HSPH1: variants seen among roughly 807,000 people sequenced by gnomAD.
HSPH1 encodes heat shock protein 105 kDa.
In HSPH1, 40 loss-of-function variants were observed where a neutral mutation model predicts 100.0. The ratio of observed to expected loss-of-function variants is 0.40; its 90% CI spans 0.31 to 0.52. The LOEUF (loss-of-function observed/expected upper bound fraction) is 0.52, where lower values mean the gene tolerates loss of function less well. HSPH1 is among the 20% of genes least tolerant of loss of function. The pLI is 0.54. For synonymous variants in HSPH1, 403 were observed against 344.0 expected, an observed-to-expected ratio of 1.17 and a Z score of -1.90; for missense variants, 876 against 1,015.1, an observed-to-expected ratio of 0.86 and a Z score of 1.86.
At chr13:31,141,797 T>TACAC (rs10573885) in intron 12 of HSPH1, among the ~76,000 whole-genome samples, 28,646 of 124,030 alleles carry the variant, frequency 0.23, 2,866 homozygotes, top group East Asian at 0.36. Flanking sequence ...TCCATACACA[T>TACAC]ACATACACAC....
intron 11 of HSPH1, among the ~76,000 whole-genome samples, chr13:31,144,253 G>A (rs1956195827): frequency 6.6e-6 from 1 of 152,088 alleles, no homozygotes. Context: ...TAAGGCACTG[G>A]AAATAGATTA....
chr13:31,157,718 T>C (rs1956748608), intron 2 of HSPH1, among the ~76,000 whole-genome samples: 1 of 152,198 alleles, frequency 6.6e-6, no homozygotes, highest in African/African-American at 2.4e-5. Context: ...ACTGTTTTTC[T>C]CTCCACCTCC....
At position 31,136,246 on chromosome 13, in the gene HSPH1, T is replaced by C. The variant is rs182653010; in HGVS notation, c.*1072A>G. On this transcript the variant is annotated 3_prime_UTR_variant, in exon 18 of 18. Transcript: ENST00000320027. ...CTTTATAATGAACTCACTACATTTA[T>C]GCAGTTACAACACTTGACTGTATTT... The C allele has an allele frequency of 2.2e-4, 33 of 152,352 alleles. No homozygotes were observed. Among genetic ancestry groups the C allele is most frequent in the Middle Eastern group, 6.8e-3 (2 of 294 alleles). 9.4% of individuals were successfully genotyped at this position (152,352 alleles called of 1,614,324 possible).
intron 2 of HSPH1, among the ~76,000 whole-genome samples, chr13:31,156,225 C>T (rs1390565874): frequency 2.6e-5 from 4 of 152,192 alleles, no homozygotes; most frequent in Admixed American, 2.6e-4. Context: ...CCCGTCTCTA[C>T]TAAAAATACA....
chr13:31,158,137 G>T (rs1213352597), intron 2 of HSPH1, among the ~76,000 whole-genome samples: 2 of 152,144 alleles, frequency 1.3e-5, no homozygotes, highest in African/African-American at 2.4e-5. Context: ...TTTCTTAGAA[G>T]TTCCTTCTAT....
rs28642716 is a variant in HSPH1, at chr13:31,137,057, A to C, written c.*261T>G. 1.6e-6 allele frequency: 1 copy of C among 615,588 alleles called. No homozygotes were observed. Among genetic ancestry groups the C allele is most frequent in the Non-Finnish European group, 3.1e-6 (1 of 327,440 alleles). The allele number at this position is 615,588 out of a possible 1,614,324, so 38.1% of individuals were successfully genotyped here. ...AAAGACAAAAGTCAGTTTCATCCTC[A>C]GTGATGCAAATGGTGAGACTGCACA... On this transcript the variant is annotated 3_prime_UTR_variant, in exon 18 of 18. Coordinates refer to ENST00000320027, the MANE Select transcript of HSPH1 (RefSeq NM_006644.4).
At chr13:31,145,802 AATTT>A (rs1321511089) in intron 10 of HSPH1, 34 bp from the exon 11 acceptor site, 1 of 1,595,172 alleles carries the variant, frequency 6.3e-7, no homozygotes, top group Non-Finnish European at 8.6e-7. Flanking sequence ...ACAAAATCAC[AATTT>A]ATTTAGAATT....
In HSPH1 at chr13:31,138,524, C is replaced by T; in HGVS notation, c.2253G>A (p.Val751=). ...CCATCACTTCATTAACAGACTTCTC[C>T]ACTTTTTTCATTTCAGACTCATCAA... ...NHIDESEMKK[V]EKSVNEVMEW... Residue 751 remains valine, a synonymous_variant, in exon 17 of 18, where the codon GTG becomes GTA. Coordinates refer to ENST00000320027, the MANE Select transcript of HSPH1 (RefSeq NM_006644.4). 6.2e-7 allele frequency: 1 copy of T among 1,612,942 alleles called. No homozygotes were observed. Among genetic ancestry groups the T allele is most frequent in the South Asian group, 1.1e-5 (1 of 91,006 alleles).
In HSPH1 at chr13:31,137,171, A is replaced by T; in HGVS notation, c.*147T>A. On this transcript the variant is annotated 3_prime_UTR_variant, in exon 18 of 18. Coordinates refer to ENST00000320027, the MANE Select transcript of HSPH1 (RefSeq NM_006644.4). ...TTAGGATCATAAAGACTACAGACTT[A>T]AGCTTTTTTTCTTTTTCCATATAAT... 1 of 728,890 alleles carries T rather than the reference A, an allele frequency of 1.4e-6. No individual in the cohort carries two copies. The highest frequency in any genetic ancestry group is 2.5e-6 in the Non-Finnish European group (1 of 406,916). 45.2% of individuals were successfully genotyped at this position (728,890 alleles called of 1,614,324 possible). A position where few individuals can be genotyped will look rare whatever the true frequency, so the allele number is the denominator to read the frequency against.
chr13:31,148,267 T>C, intron 9 of HSPH1, 107 bp downstream of exon 9: 2 of 999,394 alleles, frequency 2.0e-6, no homozygotes, highest in South Asian at 2.9e-5. Flanking sequence ...TCCAGGTAAA[T>C]TAATGACTAC....
chr13:31,147,579 T>C (rs946306153), intron 10 of HSPH1, among the ~76,000 whole-genome samples: 5 of 152,100 alleles, frequency 3.3e-5, no homozygotes, highest in Non-Finnish European at 7.4e-5. Flanking sequence ...GGTTTTAAAT[T>C]AGAAGTAACA....
chr13:31,161,648 T>A lies in HSPH1; in HGVS notation c.-66A>T, dbSNP rs1482143807. The A allele has an allele frequency of 3.8e-6, 6 of 1,593,402 alleles. No homozygotes were observed. Among genetic ancestry groups the A allele is most frequent in the Non-Finnish European group, 4.3e-6 (5 of 1,175,558 alleles). ...CGTCCTCCGGCCCCCTGCCTGCTTCTCCTGCCGCCGCTTTCTGCCCTGGCC... is the reference window on the plus strand; with the variant it reads ...CGTCCTCCGGCCCCCTGCCTGCTTCACCTGCCGCCGCTTTCTGCCCTGGCC... On this transcript the variant is annotated 5_prime_UTR_variant, in exon 1 of 18. Coordinates refer to ENST00000320027, the MANE Select transcript of HSPH1 (RefSeq NM_006644.4).
chr13:31,141,826 ACAC>A (rs1395512371), intron 12 of HSPH1, among the ~76,000 whole-genome samples: 1 of 151,486 alleles, frequency 6.6e-6, no homozygotes, highest in Non-Finnish European at 1.5e-5. Flanking sequence ...ACACACACAC[ACAC>A]ATTATTACTA....
intron 11 of HSPH1, 82 bp downstream of exon 11, chr13:31,145,481 T>G: frequency 2.0e-6 from 2 of 1,006,268 alleles, no homozygotes; most frequent in Non-Finnish European, 3.0e-6. Flanking sequence ...AACATTCATT[T>G]TAACCCTTCC....
rs567148591 is a variant in HSPH1, at chr13:31,161,339, T to C, written c.107+137A>G. On this transcript the variant is annotated intron_variant, in intron 1 of 17. Transcript: ENST00000320027. ...CTCCTCTGGCCGGGTCGCTGGTCCC[T>C]AGTTCCACGGAGGGGTGCGCCGCTG... 3.0e-4 allele frequency: 426 copies of C among 1,441,494 alleles called. 5 individuals carry two copies. The South Asian group carries it at 5.7e-3, about 19-fold the overall frequency. The allele number at this position is 1,441,494 out of a possible 1,614,324, so 89.3% of individuals were successfully genotyped here. A position where few individuals can be genotyped will look rare whatever the true frequency, so the allele number is the denominator to read the frequency against.
chr13:31,145,262 G>A lies in HSPH1; in HGVS notation c.1584+301C>T, dbSNP rs560639033. Among the ~76,000 whole-genome samples the A allele has an allele frequency of 3.3e-5, 5 of 152,094 alleles. No individual in the cohort carries two copies. The South Asian group carries it at 6.2e-4, about 19-fold the overall frequency. On this transcript the variant is annotated intron_variant, in intron 11 of 17. Transcript: ENST00000320027. The stretch of plus-strand genomic sequence containing the variant: ...GTTTCTTAAACGTCAGTCAACATTC[G>A]ACTTCTCAATGTGTGGTCTATGTCT...
chr13:31,138,669 C>T, intron 16 of HSPH1, 101 bp from the exon 17 acceptor site: 1 of 1,518,080 alleles, frequency 6.6e-7, no homozygotes, highest in South Asian at 1.3e-5. Context: ...TACCTCTAAC[C>T]TCAAATACCA....
At chr13:31,144,097 T>C (rs929876297) in intron 11 of HSPH1, among the ~76,000 whole-genome samples, 174 bp from the exon 12 acceptor site, 2 of 152,144 alleles carry the variant, frequency 1.3e-5, no homozygotes, top group African/African-American at 4.8e-5. Context: ...TCTGTAGAAA[T>C]TCTAAACCTG....
At chr13:31,138,376 C>T in intron 17 of HSPH1, 31 bp downstream of exon 17, 2 of 1,602,810 alleles carry the variant, frequency 1.2e-6, no homozygotes, top group Non-Finnish European at 1.7e-6. Flanking sequence ...GTAAGTGAAC[C>T]CAGCAGTAAA....
Sources: allele counts gnomAD v4.1 joint callset (sites outside exome capture counted in the v4.1 genomes callset), GRCh38; gene constraint gnomAD v4.1.1; transcripts MANE v1.5; gene names NCBI Gene and HGNC (gene_info 2026-07-23, HGNC 2026-07-21).